Variants in SLC40A1 observed in about 807,000 individuals in gnomAD.
SLC40A1 encodes solute carrier family 40 member 1, also known as ferroportin.
Under a neutral mutation model 53.5 loss-of-function variants are expected in SLC40A1, and 16 were observed. The observed-to-expected ratio is 0.30, with a 90% CI of 0.20 to 0.45. SLC40A1 has a LOEUF of 0.45. Ranked by LOEUF, SLC40A1 falls within the 20% of genes least tolerant of loss-of-function variation. SLC40A1 has a pLI of 1.00. For synonymous variants in SLC40A1, 247 were observed against 253.2 expected, an observed-to-expected ratio of 0.98 and a Z score of 0.23; for missense variants, 545 against 695.4, an observed-to-expected ratio of 0.78 and a Z score of 2.43.
chr2:189,579,692 T>C (rs1198791502), intron 2 of SLC40A1, 121 bp downstream of exon 2: 1 of 869,550 alleles, frequency 1.2e-6, no homozygotes, highest in Non-Finnish European at 2.0e-6. Flanking sequence ...GCATGTGTAC[T>C]TGGATGATTT....
At chr2:189,571,089 T>C (rs2031111067) in intron 5 of SLC40A1, among the ~76,000 whole-genome samples, 1 of 152,206 alleles carries the variant, frequency 6.6e-6, no homozygotes, top group African/African-American at 2.4e-5. Flanking sequence ...ATAGGACATG[T>C]TGCCTTGTAA....
rs938874653 is a variant in SLC40A1, at chr2:189,571,616, A to G, written c.514+99T>C. On this transcript the variant is annotated intron_variant, in intron 5 of 7. Transcript: ENST00000261024. ...TTTCAATTTATCATTCTTAAAAAATACCCAGAACAAAAATACAAGGCTTAC... is the reference window on the plus strand; with the variant it reads ...TTTCAATTTATCATTCTTAAAAAATGCCCAGAACAAAAATACAAGGCTTAC... 9 of 1,535,912 alleles carry G rather than the reference A, an allele frequency of 5.9e-6. No individual in the cohort carries two copies. In the Admixed American group the frequency reaches 6.0e-5, roughly 10 times the overall value.
Position 189,580,680 on chromosome 2 carries a change from G to T in SLC40A1, c.-220C>A. The T allele has an allele frequency of 6.7e-7, 1 of 1,484,950 alleles. No homozygotes were observed. The highest frequency in any genetic ancestry group is 8.9e-7 in the Non-Finnish European group (1 of 1,121,606). 92.0% of individuals were successfully genotyped at this position (1,484,950 alleles called of 1,614,324 possible). On this transcript the variant is annotated 5_prime_UTR_variant, in exon 1 of 8. Transcript: ENST00000261024. ...CTTTCCAAACTTAGCTAACACTGTA[G>T]CTGAAGTTGGAAAGGCAAAGCCTTA...
intron 2 of SLC40A1, 152 bp from the exon 3 acceptor site, chr2:189,575,472 A>C (rs2031259994): frequency 1.4e-6 from 1 of 736,414 alleles, no homozygotes; most frequent in Admixed American, 2.1e-5. Context: ...TACTGCTCAG[A>C]TGTTAAAACG....
In SLC40A1 at chr2:189,563,629, T is replaced by A. The variant is rs376571265; in HGVS notation, c.1357A>T (p.Ile453Phe). Residue 453 changes from isoleucine (I) to phenylalanine (F), a missense_variant, in exon 7 of 8, where the codon ATC becomes TTC. Ile to Phe is a conservative substitution (Grantham distance 21). Transcript: ENST00000261024. ...CCTGCAAACAGCAGACTGACAGAGATTATGGGCACAGATTCAGGACTTGTC... is the reference window on the plus strand; with the variant it reads ...CCTGCAAACAGCAGACTGACAGAGAATATGGGCACAGATTCAGGACTTGTC... ...PETSPESVPI[I>F]SVSLLFAGVI... 96 of 1,614,066 alleles carry A rather than the reference T, an allele frequency of 5.9e-5. No individual in the cohort carries two copies. The highest frequency in any genetic ancestry group is 7.7e-5 in the Non-Finnish European group (91 of 1,180,026).
chr2:189,573,866 T>A (rs907256533), intron 3 of SLC40A1, among the ~76,000 whole-genome samples: 1 of 152,238 alleles, frequency 6.6e-6, no homozygotes, highest in African/African-American at 2.4e-5. Flanking sequence ...AGCAGTCTGA[T>A]ATAAAATCCC....
chr2:189,562,270 C>T (rs1458915136), intron 7 of SLC40A1, 79 bp from the exon 8 acceptor site: 2 of 1,128,174 alleles, frequency 1.8e-6, no homozygotes, highest in South Asian at 1.4e-5. Flanking sequence ...AATCTGTTGA[C>T]ATATGCAAAA....
intron 3 of SLC40A1, among the ~76,000 whole-genome samples, chr2:189,573,177 A>C (rs184802516): frequency 9.5e-4 from 144 of 152,316 alleles, no homozygotes; most frequent in Middle Eastern, 3.4e-3. Context: ...CAAAATGATG[A>C]AGTACCACAA....
intron 7 of SLC40A1, 49 bp from the exon 8 acceptor site, chr2:189,562,240 C>T (rs1041916283): frequency 1.5e-6 from 2 of 1,378,280 alleles, no homozygotes; most frequent in Admixed American, 2.0e-5. Flanking sequence ...TACAGGCATA[C>T]ATTTCAAATC....
chr2:189,572,692 A>C (rs973660738), intron 4 of SLC40A1, 154 bp downstream of exon 4: 2 of 657,942 alleles, frequency 3.0e-6, no homozygotes, highest in Admixed American at 2.6e-5. Flanking sequence ...CAAAACAACA[A>C]CAAAACAAAC....
In SLC40A1 at chr2:189,561,657, C is replaced by A. The variant is rs2030743155; in HGVS notation, c.*221G>T. ...TATCATTATAGTCTCCGTATTTAAA[C>A]TGAGTTTTTCTTTTCCAATTTTTTT... On this transcript the variant is annotated 3_prime_UTR_variant, in exon 8 of 8. Coordinates refer to ENST00000261024, the MANE Select transcript of SLC40A1 (RefSeq NM_014585.6). 1.8e-6 allele frequency: 1 copy of A among 545,438 alleles called. No homozygotes were observed. Among genetic ancestry groups the A allele is most frequent in the African/African-American group, 1.9e-5 (1 of 52,846 alleles). 33.8% of individuals were successfully genotyped at this position (545,438 alleles called of 1,614,324 possible). A position where few individuals can be genotyped will look rare whatever the true frequency, so the allele number is the denominator to read the frequency against.
intron 2 of SLC40A1, among the ~76,000 whole-genome samples, chr2:189,576,469 A>G (rs1341288004): frequency 6.6e-6 from 1 of 151,856 alleles, no homozygotes; most frequent in Non-Finnish European, 1.5e-5. Context: ...ATCATTTACA[A>G]AAAAACTTCC....
chr2:189,570,624 A>T (rs1051386362), intron 5 of SLC40A1, among the ~76,000 whole-genome samples: 1 of 152,182 alleles, frequency 6.6e-6, no homozygotes, highest in Non-Finnish European at 1.5e-5. Flanking sequence ...CTTTAAATCA[A>T]TCACTGTGGA....
rs200018415 is a variant in SLC40A1, at chr2:189,565,488, G to A, written c.626C>T (p.Ser209Leu). The part of the protein sequence containing the change: ...GSPVIGCGFI[S>L]GWNLVSMCVE... ...GCACATGGATACCAAGTTCCATCCCGAAATAAAGCCACAGCCGATGACTGG... is the reference window on the plus strand; with the variant it reads ...GCACATGGATACCAAGTTCCATCCCAAAATAAAGCCACAGCCGATGACTGG... The change falls in exon 6 of 8, where the codon TCG becomes TTG. Residue 209 changes from serine to leucine, a missense_variant. This residue lies in a region of SLC40A1 where 197 missense variants were observed against 278.8 expected (regional missense o/e 0.71). Coordinates refer to ENST00000261024, the MANE Select transcript of SLC40A1 (RefSeq NM_014585.6). 158 of 1,614,070 alleles carry A rather than the reference G, an allele frequency of 9.8e-5. No individual in the cohort carries two copies. The highest frequency in any genetic ancestry group is 6.5e-4 in the East Asian group (29 of 44,896).
At position 189,580,578 on chromosome 2, in the gene SLC40A1, C is replaced by T; in HGVS notation, c.-118G>A. 1 of 1,589,038 alleles carries T rather than the reference C, an allele frequency of 6.3e-7. No homozygotes were observed. Among genetic ancestry groups the T allele is most frequent in the Non-Finnish European group, 8.5e-7 (1 of 1,172,792 alleles). The stretch of plus-strand genomic sequence containing the variant: ...GATAGCACCTCTAAAAACACAACAG[C>T]CTTGGGCAAAAAGACTACAACGACG... On this transcript the variant is annotated 5_prime_UTR_variant, in exon 1 of 8. Coordinates refer to ENST00000261024, the MANE Select transcript of SLC40A1 (RefSeq NM_014585.6).
At chr2:189,572,003 T>A (rs1038245485) in intron 4 of SLC40A1, among the ~76,000 whole-genome samples, 162 bp from the exon 5 acceptor site, 2 of 152,206 alleles carry the variant, frequency 1.3e-5, no homozygotes, top group South Asian at 2.1e-4. Context: ...TGAAACTGAA[T>A]GAATACCAGT....
intron 4 of SLC40A1, among the ~76,000 whole-genome samples, 168 bp from the exon 5 acceptor site, chr2:189,572,009 C>T (rs899275188): frequency 6.6e-6 from 1 of 152,030 alleles, no homozygotes; most frequent in East Asian, 1.9e-4. Flanking sequence ...TGAATGAATA[C>T]CAGTAGTCAA....
intron 3 of SLC40A1, among the ~76,000 whole-genome samples, chr2:189,573,880 A>G (rs1308182746): frequency 6.6e-6 from 1 of 152,226 alleles, no homozygotes; most frequent in Non-Finnish European, 1.5e-5. Context: ...AAATCCCAAC[A>G]TATTCATTCA....
intron 5 of SLC40A1, among the ~76,000 whole-genome samples, chr2:189,567,959 A>G (rs1207713628): frequency 2.6e-5 from 4 of 152,194 alleles, no homozygotes; most frequent in Non-Finnish European, 5.9e-5. Flanking sequence ...AACTAAAGAA[A>G]ACATATATTT....
Sources: gnomAD v4.1 joint callset for allele counts (sites outside exome capture counted in the v4.1 genomes callset) on GRCh38, gnomAD v4.1.1 for gene constraint, gnomAD v4.1.1 regional missense constraint, MANE v1.5 for transcripts, NCBI Gene and HGNC (gene_info 2026-07-23, HGNC 2026-07-21) for gene names.